Variants in NXPH2 observed in about 807,000 individuals in gnomAD.
The protein encoded by NXPH2 is neurexophilin-2.
A neutral mutation model predicts 19.8 loss-of-function variants in NXPH2; 5 were observed. That is an observed-to-expected ratio of 0.25 (90% CI 0.13 to 0.53). The LOEUF (loss-of-function observed/expected upper bound fraction) is 0.53, where lower values mean the gene tolerates loss of function less well. NXPH2 is among the 20% of genes least tolerant of loss of function. NXPH2 has a pLI of 0.96. For missense variants in NXPH2, 289 were observed against 322.8 expected (o/e 0.90, Z 0.80); for synonymous variants, 154 against 127.4 (o/e 1.21, Z -1.41).
chr2:138,771,867 G>A (rs938500289), intron 1 of NXPH2, among the ~76,000 whole-genome samples: 1 of 152,112 alleles, frequency 6.6e-6, no homozygotes, highest in Non-Finnish European at 1.5e-5. Context: ...CTCCCCAAAA[G>A]AAATCTGGGT....
chr2:138,686,974 C>T (rs13422151), intron 1 of NXPH2, among the ~76,000 whole-genome samples: 4,912 of 152,164 alleles, frequency 0.032, 274 homozygotes, highest in African/African-American at 0.11. Flanking sequence ...TGGGTTGGTT[C>T]CAAGTCTTTG....
intron 1 of NXPH2, among the ~76,000 whole-genome samples, chr2:138,736,519 C>T (rs1681541914): frequency 6.6e-6 from 1 of 152,196 alleles, no homozygotes; most frequent in Admixed American, 6.5e-5. Flanking sequence ...ATGGGGTCTC[C>T]TGGTCCAGCC....
chr2:138,731,598 G>A (rs1397572397), intron 1 of NXPH2, among the ~76,000 whole-genome samples: 2 of 152,006 alleles, frequency 1.3e-5, no homozygotes, highest in South Asian at 2.1e-4. Flanking sequence ...AGTTCACCAG[G>A]AAATACCATG....
At chr2:138,672,089 A>G (rs1164758608) in intron 1 of NXPH2, among the ~76,000 whole-genome samples, 2 of 152,208 alleles carry the variant, frequency 1.3e-5, no homozygotes, top group Non-Finnish European at 2.9e-5. Context: ...TGTCAATGAT[A>G]TTGATAAGTC....
At chr2:138,749,377 C>G (rs1342263459) in intron 1 of NXPH2, among the ~76,000 whole-genome samples, 1 of 152,062 alleles carries the variant, frequency 6.6e-6, no homozygotes, top group Non-Finnish European at 1.5e-5. Flanking sequence ...ACCAACACAA[C>G]TAGTAAAGTT....
At chr2:138,764,191 C>A (rs1360362764) in intron 1 of NXPH2, among the ~76,000 whole-genome samples, 9 of 152,006 alleles carry the variant, frequency 5.9e-5, no homozygotes, top group Non-Finnish European at 1.3e-4. Flanking sequence ...CTAAGGCATT[C>A]CCCTTCCTGA....
intron 1 of NXPH2, among the ~76,000 whole-genome samples, chr2:138,674,317 C>T (rs541926319): frequency 1.2e-4 from 18 of 152,042 alleles, no homozygotes; most frequent in Non-Finnish European, 2.2e-4. Context: ...CCATGCCTGA[C>T]TAGTTTTTGT....
Position 138,699,113 on chromosome 2 carries a change from A to C in NXPH2, c.52-27448T>G, listed in dbSNP as rs192266144. Among the ~76,000 whole-genome samples the C allele has an allele frequency of 2.6e-5, 4 of 152,338 alleles. No individual in the cohort carries two copies. The East Asian group carries it at 7.7e-4, about 29-fold the overall frequency. ...TATGTATGTACATAAACATATATAT[A>C]CACATACACAACATAAAGCAATCTC... is the stretch of plus-strand genomic sequence containing the variant. On this transcript the variant is annotated intron_variant, in intron 1 of 1. Coordinates refer to ENST00000272641, the MANE Select transcript of NXPH2 (RefSeq NM_007226.3).
chr2:138,725,231 A>T (rs1161863446), intron 1 of NXPH2, among the ~76,000 whole-genome samples: 1 of 152,216 alleles, frequency 6.6e-6, no homozygotes, highest in Non-Finnish European at 1.5e-5. Flanking sequence ...GAAGTAATTC[A>T]TTACAAATAT....
chr2:138,744,487 G>T (rs1485362093), intron 1 of NXPH2, among the ~76,000 whole-genome samples: 2 of 151,824 alleles, frequency 1.3e-5, no homozygotes, highest in Admixed American at 1.3e-4. Context: ...GTACCCAAAG[G>T]CATCTTTTGG....
At chr2:138,749,738 A>C (rs1248406530) in intron 1 of NXPH2, among the ~76,000 whole-genome samples, 2 of 152,200 alleles carry the variant, frequency 1.3e-5, no homozygotes, top group South Asian at 2.1e-4. Context: ...TAAAATAATA[A>C]ATTTCACTGA....
At chr2:138,739,840 A>AGT (rs1681615889) in intron 1 of NXPH2, among the ~76,000 whole-genome samples, 1 of 152,210 alleles carries the variant, frequency 6.6e-6, no homozygotes, top group African/African-American at 2.4e-5. Flanking sequence ...GCAACAAGAT[A>AGT]GTGGCATTGT....
At chr2:138,689,136 C>T (rs1347928398) in intron 1 of NXPH2, among the ~76,000 whole-genome samples, 1 of 152,162 alleles carries the variant, frequency 6.6e-6, no homozygotes, top group African/African-American at 2.4e-5. Context: ...GGAATGTACC[C>T]AAACGACCAT....
intron 1 of NXPH2, among the ~76,000 whole-genome samples, chr2:138,708,307 G>A (rs1681047462): frequency 6.6e-6 from 1 of 152,094 alleles, no homozygotes; most frequent in Non-Finnish European, 1.5e-5. Flanking sequence ...CTTGAGAGAA[G>A]AATGAGTATC....
chr2:138,727,072 T>C (rs1328527079), intron 1 of NXPH2, among the ~76,000 whole-genome samples: 14 of 152,192 alleles, frequency 9.2e-5, no homozygotes, highest in Admixed American at 9.2e-4. Context: ...CTTAGTAATA[T>C]GCATTTAAGG....
intron 1 of NXPH2, among the ~76,000 whole-genome samples, chr2:138,777,733 AT>A (rs1398139491): frequency 6.7e-6 from 1 of 148,258 alleles, no homozygotes; most frequent in Non-Finnish European, 1.5e-5. Flanking sequence ...AATATTTAAT[AT>A]TTTTTATAAG....
At chr2:138,765,956 G>C (rs867792334) in intron 1 of NXPH2, among the ~76,000 whole-genome samples, 1 of 152,116 alleles carries the variant, frequency 6.6e-6, no homozygotes, top group Admixed American at 6.5e-5. Context: ...AAATTAGAAG[G>C]CTTTACTAAA....
At chr2:138,681,032 C>T (rs1680572891) in intron 1 of NXPH2, among the ~76,000 whole-genome samples, 1 of 152,198 alleles carries the variant, frequency 6.6e-6, no homozygotes, top group South Asian at 2.1e-4. Context: ...CCTCAGCAGG[C>T]CTGGCCTTTC....
intron 1 of NXPH2, among the ~76,000 whole-genome samples, chr2:138,726,553 CACA>C (rs1558923088): frequency 1.6e-4 from 24 of 151,552 alleles, no homozygotes; most frequent in African/African-American, 5.6e-4. Flanking sequence ...CACACACACA[CACA>C]CACCCTCCAA....
Sources: allele counts gnomAD v4.1 joint callset (sites outside exome capture counted in the v4.1 genomes callset), GRCh38; gene constraint gnomAD v4.1.1; transcripts MANE v1.5; gene names NCBI Gene and HGNC (gene_info 2026-07-23, HGNC 2026-07-21).